The following LSAMP variants were observed in gnomAD, a reference collection of about 807,000 sequenced individuals.
LSAMP encodes limbic system-associated membrane protein.
LSAMP carries 7 observed loss-of-function variants against 38.6 expected under a neutral mutation model. The observed-to-expected ratio is 0.18, with a 90% CI of 0.10 to 0.34. LSAMP has a LOEUF of 0.34. Ranked by LOEUF, LSAMP falls within the 10% of genes least tolerant of loss-of-function variation. LSAMP has a pLI of 1.00. For missense variants in LSAMP, 313 were observed against 420.0 expected (o/e 0.75, Z 2.23); for synonymous variants, 154 against 166.8 (o/e 0.92, Z 0.59).
chr3:115,957,237 C>G (rs1938481375), intron 3 of LSAMP, among the ~76,000 whole-genome samples: 1 of 152,170 alleles, frequency 6.6e-6, no homozygotes, highest in South Asian at 2.1e-4. Flanking sequence ...CAGGAAGCCC[C>G]TCTGATTATA....
Position 115,808,155 on chromosome 3 carries a change from TTCCCCG to T in LSAMP, c.*2156_*2161del, listed in dbSNP as rs1352513383. The T allele has an allele frequency of 1.4e-5, 1 of 69,580 alleles. No homozygotes were observed. Among genetic ancestry groups the T allele is most frequent in the Non-Finnish European group, 2.6e-5 (1 of 39,148 alleles). 4.3% of individuals were successfully genotyped at this position (69,580 alleles called of 1,614,324 possible). ...CTCCCTCCCTCCCTCCCTCCCCCCC[TTCCCCG>T]TCCCCCCCTCCCTGCCTTCCTTCCT... On this transcript the variant is annotated 3_prime_UTR_variant, in exon 7 of 7. Coordinates refer to ENST00000490035, the MANE Select transcript of LSAMP (RefSeq NM_002338.5).
intron 3 of LSAMP, among the ~76,000 whole-genome samples, chr3:115,870,694 A>G (rs1936007951): frequency 6.6e-6 from 1 of 152,174 alleles, no homozygotes. Context: ...TGGCCTCAAC[A>G]AACTAGCCAT....
At chr3:115,939,530 C>CTCTTTCTTTCTTTCTTTCTT (rs377683505) in intron 3 of LSAMP, among the ~76,000 whole-genome samples, 1,729 of 99,706 alleles carry the variant, frequency 0.017, 65 homozygotes, top group Non-Finnish European at 0.019. Flanking sequence ...TGTTCTCTTT[C>CTCTTTCTTTCTTTCTTTCTT]TCTTTCTTTC....
At chr3:116,355,735 A>G (rs372180113) in intron 1 of LSAMP, among the ~76,000 whole-genome samples, 1 of 152,222 alleles carries the variant, frequency 6.6e-6, no homozygotes, top group East Asian at 1.9e-4. Context: ...AAATAACTCT[A>G]CAGGAAAAAA....
At chr3:116,022,981 A>C (rs1576314154) in intron 2 of LSAMP, among the ~76,000 whole-genome samples, 1 of 152,250 alleles carries the variant, frequency 6.6e-6, no homozygotes, top group Non-Finnish European at 1.5e-5. Context: ...AAAGCAAAGC[A>C]TCTCCCTTGA....
intron 1 of LSAMP, among the ~76,000 whole-genome samples, chr3:116,143,660 C>T (rs1297787472): frequency 1.3e-5 from 2 of 151,868 alleles, no homozygotes; most frequent in Non-Finnish European, 2.9e-5. Context: ...CAGTGATTTT[C>T]CTGCCTTGTC....
At chr3:116,167,702 C>T (rs1397589918) in intron 1 of LSAMP, among the ~76,000 whole-genome samples, 1 of 152,184 alleles carries the variant, frequency 6.6e-6, no homozygotes, top group South Asian at 2.1e-4. Flanking sequence ...ACTGCCTCTG[C>T]CCTCATGGAG....
chr3:115,858,142 T>C (rs1326438939), intron 3 of LSAMP, among the ~76,000 whole-genome samples: 1 of 71,400 alleles, frequency 1.4e-5, no homozygotes, highest in African/African-American at 4.4e-5. Context: ...CCCATCTCTC[T>C]CTCTCTCTCT....
rs1317153562 is a variant in LSAMP, at chr3:116,421,367, C to T, written c.155+23510G>A. Among the ~76,000 whole-genome samples, 12 of 151,980 alleles carry T rather than the reference C, an allele frequency of 7.9e-5. No homozygotes were observed. In the East Asian group the frequency reaches 9.7e-4, roughly 12 times the overall value. ...GGTGGATCACCTGGGGTCAGGAGTT[C>T]GAGACCAGCCTGGCCAACATGGTGA... On this transcript the variant is annotated intron_variant, in intron 1 of 6. Transcript: ENST00000490035.
At position 116,209,461 on chromosome 3, in the gene LSAMP, G is replaced by A. The variant is rs1348724686; in HGVS notation, c.156-122905C>T. Among the ~76,000 whole-genome samples the A allele has an allele frequency of 2.0e-5, 3 of 152,166 alleles. No homozygotes were observed. In the East Asian group the frequency reaches 5.8e-4, roughly 29 times the overall value. On this transcript the variant is annotated intron_variant, in intron 1 of 6. Coordinates refer to ENST00000490035, the MANE Select transcript of LSAMP (RefSeq NM_002338.5). The stretch of plus-strand genomic sequence containing the variant: ...TATTTTTAGAAGTTTGTGAGTTTTT[G>A]AAATAATTTAGTTTGTTCCTATGCA...
chr3:116,213,941 G>A (rs537961066), intron 1 of LSAMP, among the ~76,000 whole-genome samples: 3 of 152,186 alleles, frequency 2.0e-5, no homozygotes, highest in Non-Finnish European at 4.4e-5. Context: ...TGGGCATAAA[G>A]TTTCAGTTGA....
At chr3:116,309,141 T>G (rs1368572001) in intron 1 of LSAMP, among the ~76,000 whole-genome samples, 1 of 152,070 alleles carries the variant, frequency 6.6e-6, no homozygotes, top group Non-Finnish European at 1.5e-5. Context: ...CAAACTATTC[T>G]TTGTTCTATT....
At chr3:116,182,403 A>C (rs1710507807) in intron 1 of LSAMP, among the ~76,000 whole-genome samples, 2 of 151,364 alleles carry the variant, frequency 1.3e-5, no homozygotes, top group South Asian at 4.1e-4. Context: ...ATATATATAC[A>C]AGATGGTGAA....
intron 1 of LSAMP, among the ~76,000 whole-genome samples, chr3:116,372,571 T>C (rs1383726781): frequency 1.3e-5 from 2 of 151,930 alleles, no homozygotes; most frequent in Admixed American, 6.6e-5. Flanking sequence ...AGTTGAACTT[T>C]ATAAAAGTTT....
chr3:115,961,593 A>C (rs1212484603), intron 3 of LSAMP, among the ~76,000 whole-genome samples: 1 of 152,230 alleles, frequency 6.6e-6, no homozygotes, highest in Non-Finnish European at 1.5e-5. Flanking sequence ...AACAAAATGA[A>C]AAATGACTCA....
At chr3:115,907,360 A>G (rs1226114608) in intron 3 of LSAMP, among the ~76,000 whole-genome samples, 1 of 151,680 alleles carries the variant, frequency 6.6e-6, no homozygotes, top group African/African-American at 2.4e-5. Flanking sequence ...GAGTAGGATT[A>G]ATGAAGAAAG....
At chr3:115,983,329 A>G (rs1325878239) in intron 3 of LSAMP, among the ~76,000 whole-genome samples, 1 of 152,082 alleles carries the variant, frequency 6.6e-6, no homozygotes, top group African/African-American at 2.4e-5. Context: ...TAGCCTAAGC[A>G]CTATAGACTT....
intron 1 of LSAMP, among the ~76,000 whole-genome samples, chr3:116,119,727 C>T (rs566711794): frequency 2.7e-5 from 4 of 150,004 alleles, no homozygotes; most frequent in East Asian, 3.9e-4. Flanking sequence ...GGTGCGATCT[C>T]GGCTCACTGC....
chr3:115,965,280 T>G (rs1938763013), intron 3 of LSAMP, among the ~76,000 whole-genome samples: 1 of 152,028 alleles, frequency 6.6e-6, no homozygotes, highest in Admixed American at 6.5e-5. Flanking sequence ...GTGGTAAACA[T>G]TTAAACTATA....
Sources: gnomAD v4.1 joint callset for allele counts (sites outside exome capture counted in the v4.1 genomes callset) on GRCh38, gnomAD v4.1.1 for gene constraint, MANE v1.5 for transcripts, NCBI Gene and HGNC (gene_info 2026-07-23, HGNC 2026-07-21) for gene names.